Variants in AP2B1 observed in about 807,000 individuals in gnomAD.
AP2B1 encodes the protein adaptor related protein complex 2 subunit beta 1, also known as AP-2 complex subunit beta.
Under a neutral mutation model 102.0 loss-of-function variants are expected in AP2B1, and 23 were observed. The ratio of observed to expected loss-of-function variants is 0.23; its 90% CI spans 0.16 to 0.32. The LOEUF is 0.32. Among genes scored for constraint, AP2B1 ranks in the 10% least tolerant of loss-of-function variants. The probability of loss-of-function intolerance (pLI) is 1.00; values close to 1 mark genes in which losing one functional copy is unlikely to be tolerated. For synonymous variants in AP2B1, 381 were observed against 421.2 expected (o/e 0.90, Z 1.17); for missense variants, 541 against 1,157.4 (o/e 0.47, Z 7.73).
At chr17:35,600,316 C>G (rs2073434879) in intron 3 of AP2B1, among the ~76,000 whole-genome samples, 1 of 151,974 alleles carries the variant, frequency 6.6e-6, no homozygotes, top group African/African-American at 2.4e-5. Context: ...CTCCTGACCT[C>G]AAATGATCTA....
chr17:35,611,792 C>T (rs1029636695), intron 5 of AP2B1, among the ~76,000 whole-genome samples: 7 of 152,080 alleles, frequency 4.6e-5, no homozygotes, highest in African/African-American at 1.7e-4. Flanking sequence ...ACATGCCAAT[C>T]TTGTTTTACT....
Position 35,605,666 on chromosome 17 carries a change from C to G in AP2B1, c.144-39C>G, listed in dbSNP as rs369405379. ...CTGTCCAACAGCTTGGCACCAACAC[C>G]TGCTTACTTTCCTTTTCTCTTTTAC... On this transcript the variant is annotated intron_variant, in intron 3 of 21. Transcript: ENST00000610402. 29 of 1,503,236 alleles carry G rather than the reference C, an allele frequency of 1.9e-5. No individual in the cohort carries two copies. In the South Asian group the frequency reaches 2.8e-4, roughly 14 times the overall value. 93.1% of individuals were successfully genotyped at this position (1,503,236 alleles called of 1,614,324 possible). A position where few individuals can be genotyped will look rare whatever the true frequency, so the allele number is the denominator to read the frequency against.
intron 14 of AP2B1, among the ~76,000 whole-genome samples, chr17:35,664,556 T>A (rs2096857293): frequency 1.3e-5 from 2 of 152,242 alleles, no homozygotes; most frequent in Admixed American, 6.5e-5. Flanking sequence ...AATGATTCAC[T>A]TCAAGATTGT....
intron 14 of AP2B1, among the ~76,000 whole-genome samples, chr17:35,668,730 C>T (rs2142941388): frequency 6.6e-6 from 1 of 152,284 alleles, no homozygotes; most frequent in East Asian, 1.9e-4. Context: ...CACCTTTGTT[C>T]ATGCTATTTG....
intron 4 of AP2B1, 36 bp from the exon 5 acceptor site, chr17:35,608,106 T>A (rs368444677): frequency 1.2e-6 from 2 of 1,609,838 alleles, no homozygotes; most frequent in African/African-American, 2.7e-5. Flanking sequence ...TTAGCCACCA[T>A]GTATACCTAC....
intron 13 of AP2B1, among the ~76,000 whole-genome samples, chr17:35,656,900 A>AT (rs2075243055): frequency 6.6e-6 from 1 of 151,056 alleles, no homozygotes; most frequent in African/African-American, 2.4e-5. Flanking sequence ...AAAAAAAAAA[A>AT]TCAACTCTCC....
intron 3 of AP2B1, among the ~76,000 whole-genome samples, chr17:35,601,607 A>G (rs1567781186): frequency 1.3e-5 from 2 of 151,716 alleles, no homozygotes; most frequent in South Asian, 4.2e-4. Context: ...ATCTATAAAA[A>G]CCACTTTTAG....
At chr17:35,644,083 T>G (rs57895606) in intron 12 of AP2B1, among the ~76,000 whole-genome samples, 2,500 of 152,276 alleles carry the variant, frequency 0.016, 67 homozygotes, top group African/African-American at 0.058. Context: ...ACTCACTTAA[T>G]CCTAGTAAGG....
At chr17:35,619,547 G>A (rs966992546) in intron 5 of AP2B1, among the ~76,000 whole-genome samples, 4 of 151,954 alleles carry the variant, frequency 2.6e-5, no homozygotes, top group African/African-American at 7.3e-5. Context: ...TTGAAGAGAA[G>A]TCTGTAATTA....
At position 35,654,944 on chromosome 17, in the gene AP2B1, T is replaced by C. The variant is rs111623675; in HGVS notation, c.1797-2655T>C. On this transcript the variant is annotated intron_variant, in intron 13 of 21. Coordinates refer to ENST00000610402, the MANE Select transcript of AP2B1 (RefSeq NM_001030006.2). Reference sequence around the variant, plus strand: ...CAGGCAGTGCCTCTACTACTGGTAATGCTAGCGGTGATGTTTTTGGTAAAC... The same window carrying C: ...CAGGCAGTGCCTCTACTACTGGTAACGCTAGCGGTGATGTTTTTGGTAAAC... 4.7e-3 allele frequency among the ~76,000 whole-genome samples: 715 copies of C among 152,254 alleles called. 3 individuals are homozygous for C. The highest frequency in any genetic ancestry group is 7.7e-3 in the Admixed American group (118 of 15,302).
chr17:35,654,262 C>CAATGTTGGTCAGGCTG (rs2075163609), intron 13 of AP2B1, among the ~76,000 whole-genome samples: 1 of 151,940 alleles, frequency 6.6e-6, no homozygotes, highest in Non-Finnish European at 1.5e-5. Flanking sequence ...CCGGGTTTCA[C>CAATGTTGGTCAGGCTG]AATGTTGGTC....
chr17:35,677,860 GTT>G (rs35198677), intron 17 of AP2B1, among the ~76,000 whole-genome samples: 1,383 of 127,996 alleles, frequency 0.011, 12 homozygotes, highest in African/African-American at 0.031. Flanking sequence ...ATAGTAAATA[GTT>G]TTTTTTTTTT....
At chr17:35,665,365 A>G (rs551969327) in intron 14 of AP2B1, among the ~76,000 whole-genome samples, 10 of 152,132 alleles carry the variant, frequency 6.6e-5, no homozygotes, top group East Asian at 1.9e-4. Flanking sequence ...GGCCCAGGCA[A>G]TCCACCTGCC....
intron 12 of AP2B1, among the ~76,000 whole-genome samples, chr17:35,647,150 C>T (rs753601571): frequency 1.3e-5 from 2 of 152,056 alleles, no homozygotes; most frequent in African/African-American, 2.4e-5. Flanking sequence ...AGTACATGTG[C>T]CTTAAGGACT....
intron 11 of AP2B1, among the ~76,000 whole-genome samples, chr17:35,641,420 A>G (rs2074777074): frequency 2.0e-5 from 3 of 152,194 alleles, no homozygotes; most frequent in Non-Finnish European, 4.4e-5. Flanking sequence ...AAACAATACA[A>G]AAATTTTAAA....
At chr17:35,720,313 C>T (rs2085319285) in intron 21 of AP2B1, among the ~76,000 whole-genome samples, 1 of 151,824 alleles carries the variant, frequency 6.6e-6, no homozygotes, top group Non-Finnish European at 1.5e-5. Flanking sequence ...ATAAACTCCC[C>T]TGCCACATAT....
At position 35,610,002 on chromosome 17, in the gene AP2B1, C is replaced by T. The variant is rs189981576; in HGVS notation, c.525+1615C>T. 3.9e-5 allele frequency among the ~76,000 whole-genome samples: 6 copies of T among 152,232 alleles called. No individual in the cohort carries two copies. In the South Asian group the frequency reaches 6.2e-4, roughly 16 times the overall value. ...TAACTACCATTAGAAATCTTTCAAC[C>T]TAGGCATAAGGGTGGGCGTCGGTGT... On this transcript the variant is annotated intron_variant, in intron 5 of 21. Coordinates refer to ENST00000610402, the MANE Select transcript of AP2B1 (RefSeq NM_001030006.2).
At position 35,674,313 on chromosome 17, in the gene AP2B1, C is replaced by T. The variant is rs1188845318; in HGVS notation, c.2316C>T (p.Asn772=). Reference sequence around the variant, plus strand: ...TGACAGATTTTGCAATCCAGTTTAACAAAAATAGGTAAGCAATCTGGGTCC... The same window carrying T: ...TGACAGATTTTGCAATCCAGTTTAATAAAAATAGGTAAGCAATCTGGGTCC... ...QHMTDFAIQF[N]KNSFGVIPST... Residue 772 remains asparagine, a synonymous_variant, in exon 17 of 22, where the codon AAC becomes AAT. Transcript: ENST00000610402. 6.2e-7 allele frequency: 1 copy of T among 1,613,630 alleles called. No individual in the cohort carries two copies. Among genetic ancestry groups the T allele is most frequent in the Non-Finnish European group, 8.5e-7 (1 of 1,179,866 alleles).
At chr17:35,674,074 T>G in intron 16 of AP2B1, 102 bp from the exon 17 acceptor site, 1 of 1,212,676 alleles carries the variant, frequency 8.2e-7, no homozygotes, top group Non-Finnish European at 1.1e-6. Context: ...AGTGAATTTG[T>G]TCACTTAATT....
Sources: gnomAD v4.1 joint callset for allele counts (sites outside exome capture counted in the v4.1 genomes callset) on GRCh38, gnomAD v4.1.1 for gene constraint, MANE v1.5 for transcripts, NCBI Gene and HGNC (gene_info 2026-07-23, HGNC 2026-07-21) for gene names.